ADGRG2: variants seen among roughly 807,000 people sequenced by gnomAD.
ADGRG2 encodes adhesion G protein-coupled receptor G2, also known as G protein-coupled receptor 64.
ADGRG2 carries 26 observed loss-of-function variants against 74.1 expected under a neutral mutation model. The observed-to-expected ratio is 0.35, with a 90% confidence interval of 0.26 to 0.49. The LOEUF (loss-of-function observed/expected upper bound fraction) is 0.49, where lower values mean the gene tolerates loss of function less well. ADGRG2 is among the 20% of genes least tolerant of loss of function. ADGRG2 has a pLI of 0.99. For synonymous variants in ADGRG2, 296 were observed against 295.2 expected, an observed-to-expected ratio of 1.00 and a Z score of -0.03; for missense variants, 619 against 763.1, an observed-to-expected ratio of 0.81 and a Z score of 2.22.
chrX:19,018,375 G>GTCCTTCCTACCTA (rs2060513323), intron 15 of ADGRG2, among the ~76,000 whole-genome samples: 7 of 110,313 alleles, frequency 6.3e-5, no homozygotes, highest in Non-Finnish European at 1.3e-4. Context: ...CTCCTACCTG[G>GTCCTTCCTACCTA]GCCTTCCAAA....
chrX:18,991,025 C>T lies in ADGRG2; in HGVS notation c.2893G>A (p.Gly965Arg), dbSNP rs372681774. Residue 965 changes from glycine (G) to arginine (R), a missense_variant, in exon 29 of 29, where the codon GGG (glycine) becomes AGG (arginine). By Grantham distance (125) the Gly-to-Arg change is moderately radical. This residue lies in a region of ADGRG2 where 106 missense variants were observed against 104.5 expected (regional missense o/e 1.01). Coordinates refer to ENST00000379869, the MANE Select transcript of ADGRG2 (RefSeq NM_001079858.3). ...GNGNASTERN[G>R]VSFSVQNGDV... Reference sequence around the variant, plus strand: ...CCATTCTGAACACTAAAAGAGACCCCATTCCTCTCTGTAGAAGCATTTCCT... The same window carrying T: ...CCATTCTGAACACTAAAAGAGACCCTATTCCTCTCTGTAGAAGCATTTCCT... 7 of 1,187,975 alleles carry T rather than the reference C, an allele frequency of 5.9e-6. No individual in the cohort carries two copies. In the African/African-American group the frequency reaches 1.1e-4, roughly 18 times the overall value.
intron 24 of ADGRG2, 31 bp from the exon 25 acceptor site, chrX:18,999,991 A>T (rs1808848481): frequency 4.4e-5 from 25 of 568,678 alleles, no homozygotes; most frequent in Admixed American, 6.4e-5. Flanking sequence ...GTCACACCTA[A>T]TTTTTTTTTT....
At chrX:19,111,875 G>A (rs1219705997) in intron 1 of ADGRG2, among the ~76,000 whole-genome samples, 1 of 110,935 alleles carries the variant, frequency 9.0e-6, no homozygotes, top group Non-Finnish European at 1.9e-5. Flanking sequence ...GTAATGAATT[G>A]CAGACCTATT....
At chrX:19,007,542 A>G (rs1205311068) in intron 19 of ADGRG2, among the ~76,000 whole-genome samples, 185 bp from the exon 20 acceptor site, 1 of 112,415 alleles carries the variant, frequency 8.9e-6, no homozygotes, top group Non-Finnish European at 1.9e-5. Context: ...CTACAATACA[A>G]TGCTCTAAAT....
chrX:19,080,285 C>G (rs916861389), intron 2 of ADGRG2, among the ~76,000 whole-genome samples: 1 of 111,332 alleles, frequency 9.0e-6, no homozygotes, highest in Admixed American at 9.6e-5. Context: ...ATCTACCATA[C>G]TCTTGATTAG....
At chrX:18,993,342 G>A (rs1370545552) in intron 28 of ADGRG2, among the ~76,000 whole-genome samples, 1 of 110,411 alleles carries the variant, frequency 9.1e-6, no homozygotes, top group Non-Finnish European at 1.9e-5. Context: ...TGTCAATTGT[G>A]CTTGAAGTTG....
chrX:19,059,837 G>A (rs183373881), intron 3 of ADGRG2, among the ~76,000 whole-genome samples: 1 of 110,750 alleles, frequency 9.0e-6, no homozygotes, highest in Non-Finnish European at 1.9e-5. Context: ...GGTACTAAAG[G>A]CACTATGAAG....
chrX:19,037,349 T>C, intron 6 of ADGRG2, 118 bp downstream of exon 6: 1 of 551,653 alleles, frequency 1.8e-6, no homozygotes, highest in Non-Finnish European at 2.8e-6. Context: ...TTTGGGTTAT[T>C]TGAAACTACT....
At chrX:19,000,530 T>C (rs1479921681) in intron 24 of ADGRG2, among the ~76,000 whole-genome samples, 3 of 111,596 alleles carry the variant, frequency 2.7e-5, no homozygotes, top group East Asian at 2.8e-4. Context: ...GCCTGCCCCA[T>C]AGAAACCTCC....
chrX:18,995,242 G>A (rs1394852882), intron 27 of ADGRG2, among the ~76,000 whole-genome samples, 194 bp from the exon 28 acceptor site: 1 of 112,221 alleles, frequency 8.9e-6, no homozygotes, highest in Non-Finnish European at 1.9e-5. Context: ...TCAAATGACT[G>A]TGGGGTTAAA....
intron 2 of ADGRG2, among the ~76,000 whole-genome samples, chrX:19,075,709 A>G (rs144702267): frequency 7.5e-4 from 83 of 110,906 alleles, no homozygotes; most frequent in African/African-American, 2.5e-3. Context: ...AGAAGCAACA[A>G]TGGAAGCCAG....
intron 7 of ADGRG2, chrX:19,034,633 T>A (rs2060895735): frequency 8.9e-6 from 1 of 112,227 alleles, no homozygotes; most frequent in Admixed American, 9.4e-5. Flanking sequence ...CATTTCACAT[T>A]GTCATTAAGA....
At chrX:19,107,637 GTT>G (rs74586432) in intron 1 of ADGRG2, among the ~76,000 whole-genome samples, 2 of 48,018 alleles carry the variant, frequency 4.2e-5, no homozygotes, top group Non-Finnish European at 3.7e-5. Context: ...TTTGTTTTTT[GTT>G]TTTTTTTTTT....
At chrX:19,030,904 A>G (rs1277505579) in intron 9 of ADGRG2, 80 bp downstream of exon 9, 1 of 668,692 alleles carries the variant, frequency 1.5e-6, no homozygotes, top group Non-Finnish European at 2.3e-6. Context: ...CATACCACAT[A>G]CTCAAAAGAA....
At chrX:19,116,929 A>T (rs1485439246) in intron 1 of ADGRG2, among the ~76,000 whole-genome samples, 1 of 112,516 alleles carries the variant, frequency 8.9e-6, no homozygotes, top group East Asian at 2.8e-4. Context: ...TACATTGCAC[A>T]CAGGAGAAAG....
chrX:19,115,145 T>C (rs1183070957), intron 1 of ADGRG2, among the ~76,000 whole-genome samples: 1 of 111,630 alleles, frequency 9.0e-6, no homozygotes, highest in Non-Finnish European at 1.9e-5. Context: ...TAAAGAAATT[T>C]CCACACTAAC....
intron 13 of ADGRG2, among the ~76,000 whole-genome samples, chrX:19,023,195 C>T (rs1226175906): frequency 1.9e-5 from 2 of 106,913 alleles, no homozygotes; most frequent in East Asian, 2.9e-4. Flanking sequence ...GTAAATGGCC[C>T]GATACTACAC....
intron 13 of ADGRG2, among the ~76,000 whole-genome samples, chrX:19,022,623 C>A (rs1483883717): frequency 1.8e-5 from 2 of 111,850 alleles, no homozygotes; most frequent in African/African-American, 3.3e-5. Context: ...CTGTGCAACC[C>A]CAAATAATTG....
chrX:19,006,472 C>T (rs1406071121), intron 20 of ADGRG2, among the ~76,000 whole-genome samples: 1 of 110,840 alleles, frequency 9.0e-6, no homozygotes, highest in Non-Finnish European at 1.9e-5. Context: ...GCTCATCAAT[C>T]GTGCATAGGA....
Sources: gnomAD v4.1 joint callset for allele counts (sites outside exome capture counted in the v4.1 genomes callset) on GRCh38, gnomAD v4.1.1 for gene constraint, gnomAD v4.1.1 regional missense constraint, MANE v1.5 for transcripts, NCBI Gene and HGNC (gene_info 2026-07-23, HGNC 2026-07-21) for gene names.